Variants in ARL15 observed in about 807,000 individuals in gnomAD.
ARL15 encodes ADP-ribosylation factor-like protein 15.
ARL15 carries 19 observed loss-of-function variants against 25.2 expected under a neutral mutation model. The observed-to-expected ratio is 0.75, with a 90% confidence interval of 0.53 to 1.10. The LOEUF (loss-of-function observed/expected upper bound fraction) is 1.10. Ranked by LOEUF, ARL15 falls within the 50% of genes least tolerant of loss-of-function variation. The probability of loss-of-function intolerance (pLI) is 0.00; values close to 1 mark genes in which losing one functional copy is unlikely to be tolerated. For missense variants in ARL15, 220 were observed against 246.0 expected, an observed-to-expected ratio of 0.89 and a Z score of 0.71; for synonymous variants, 94 against 86.8, an observed-to-expected ratio of 1.08 and a Z score of -0.46.
chr5:53,976,695 T>C (rs758363572), intron 4 of ARL15, among the ~76,000 whole-genome samples: 4 of 152,188 alleles, frequency 2.6e-5, no homozygotes, highest in Non-Finnish European at 5.9e-5. Flanking sequence ...GCTCAATTTT[T>C]GGCATGTCGA....
At chr5:54,170,121 AACCATC>A (rs968673324) in intron 2 of ARL15, among the ~76,000 whole-genome samples, 1 of 152,092 alleles carries the variant, frequency 6.6e-6, no homozygotes, top group Non-Finnish European at 1.5e-5. Context: ...TCCATCATCC[AACCATC>A]ACGTAAGCCA....
chr5:53,951,580 CA>C (rs770100080), intron 4 of ARL15: 2 of 471,044 alleles, frequency 4.2e-6, no homozygotes, highest in African/African-American at 4.0e-5. Context: ...CTAGAGAACA[CA>C]AGAATACCTT....
At chr5:53,910,622 A>AT (rs1321416734) in intron 4 of ARL15, among the ~76,000 whole-genome samples, 3 of 14,694 alleles carry the variant, frequency 2.0e-4, no homozygotes, top group South Asian at 2.1e-3. Flanking sequence ...TTAAAGTATA[A>AT]TAAAAAAAAA....
At chr5:54,238,792 C>G (rs867445692) in intron 1 of ARL15, among the ~76,000 whole-genome samples, 8 of 152,182 alleles carry the variant, frequency 5.3e-5, no homozygotes, top group Non-Finnish European at 1.0e-4. Flanking sequence ...AAGGTATCCT[C>G]AGAAACAGGA....
At chr5:54,156,989 C>T (rs1754253829) in intron 2 of ARL15, among the ~76,000 whole-genome samples, 3 of 152,190 alleles carry the variant, frequency 2.0e-5, no homozygotes, top group African/African-American at 7.2e-5. Flanking sequence ...ATCTACCTAC[C>T]TCACACGGGT....
intron 1 of ARL15, among the ~76,000 whole-genome samples, chr5:54,237,478 T>C (rs1354355712): frequency 6.6e-6 from 1 of 152,178 alleles, no homozygotes; most frequent in Non-Finnish European, 1.5e-5. Flanking sequence ...ATGCTGACAA[T>C]GCATGATCAG....
chr5:54,045,053 A>G (rs1279471073), intron 4 of ARL15, among the ~76,000 whole-genome samples: 2 of 152,204 alleles, frequency 1.3e-5, no homozygotes, highest in African/African-American at 4.8e-5. Flanking sequence ...GGATTTGGCT[A>G]TACCACAAGT....
chr5:54,277,107 T>C (rs1052372810), intron 1 of ARL15, among the ~76,000 whole-genome samples: 2 of 152,168 alleles, frequency 1.3e-5, no homozygotes, highest in African/African-American at 4.8e-5. Context: ...TAGGGTAGGA[T>C]TTGTCCAGAC....
At chr5:54,199,539 A>G (rs529367799) in intron 1 of ARL15, among the ~76,000 whole-genome samples, 17 of 152,136 alleles carry the variant, frequency 1.1e-4, no homozygotes, top group African/African-American at 3.6e-4. Flanking sequence ...AAACACATGA[A>G]AAAATGCTCA....
At chr5:54,235,396 C>T (rs10054410) in intron 1 of ARL15, among the ~76,000 whole-genome samples, 3 of 151,960 alleles carry the variant, frequency 2.0e-5, no homozygotes, top group African/African-American at 7.3e-5. Flanking sequence ...AATGTAGTCA[C>T]AGAATAACGG....
At chr5:54,092,070 A>ACACACACACACACACACCAC (rs746618758) in intron 4 of ARL15, among the ~76,000 whole-genome samples, 1 of 151,460 alleles carries the variant, frequency 6.6e-6, no homozygotes, top group South Asian at 2.1e-4. Flanking sequence ...ACACACACAC[A>ACACACACACACACACACCAC]CACCACCACC....
At chr5:54,110,134 C>G (rs555422308) in intron 4 of ARL15, among the ~76,000 whole-genome samples, 67 of 152,114 alleles carry the variant, frequency 4.4e-4, no homozygotes, top group African/African-American at 1.5e-3. Context: ...CTGTGGGTTA[C>G]ATAGTAATTT....
chr5:54,078,749 T>C (rs984960859), intron 4 of ARL15, among the ~76,000 whole-genome samples: 3 of 152,142 alleles, frequency 2.0e-5, no homozygotes, highest in Admixed American at 6.5e-5. Flanking sequence ...TCTTAATAGA[T>C]GCAAAATATT....
At chr5:53,925,400 T>C (rs1402032361) in intron 4 of ARL15, among the ~76,000 whole-genome samples, 3 of 152,116 alleles carry the variant, frequency 2.0e-5, no homozygotes, top group African/African-American at 7.2e-5. Flanking sequence ...TTTTGCTATG[T>C]TGCTCAAGCT....
In ARL15 at chr5:53,894,348, C is replaced by G. The variant is rs528007085; in HGVS notation, c.463-7635G>C. 2.0e-5 allele frequency among the ~76,000 whole-genome samples: 3 copies of G among 152,178 alleles called. No individual in the cohort carries two copies. The East Asian group carries it at 5.8e-4, about 29-fold the overall frequency. ...GTTGTGACAATAATTGTGTAGAAAC[C>G]CAGTCTTCCAATGCACGGGAGAAGT... is the stretch of plus-strand genomic sequence containing the variant. On this transcript the variant is annotated intron_variant, in intron 4 of 4. Transcript: ENST00000504924.
In ARL15 at chr5:54,302,683, A is replaced by ATTTTTTTTTTTTTTT. The variant is rs372704359; in HGVS notation, c.48+7734_48+7748dup. 2.6e-5 allele frequency among the ~76,000 whole-genome samples: 2 copies of ATTTTTTTTTTTTTTT among 77,850 alleles called. 1 individual carries two copies. Among genetic ancestry groups the ATTTTTTTTTTTTTTT allele is most frequent in the African/African-American group, 1.0e-4 (2 of 19,732 alleles). 51.1% of individuals were successfully genotyped at this position (77,850 alleles called of 152,430 possible). On this transcript the variant is annotated intron_variant, in intron 1 of 4. Transcript: ENST00000504924. ...GCAAAGCACCTGTTCTAAAATTAAG[A>ATTTTTTTTTTTTTTT]TTTTTTTTTTTTTTTTTTTTTTTTT... is the stretch of plus-strand genomic sequence containing the variant.
intron 1 of ARL15, among the ~76,000 whole-genome samples, chr5:54,251,625 C>T (rs1411206158): frequency 6.6e-6 from 1 of 152,128 alleles, no homozygotes; most frequent in Non-Finnish European, 1.5e-5. Context: ...AGGAGCTATT[C>T]CTAAAGACCT....
At chr5:53,898,922 G>A (rs1561140777) in intron 4 of ARL15, among the ~76,000 whole-genome samples, 1 of 152,074 alleles carries the variant, frequency 6.6e-6, no homozygotes, top group Non-Finnish European at 1.5e-5. Context: ...CCAAATTGCT[G>A]GGATTATAGG....
intron 1 of ARL15, among the ~76,000 whole-genome samples, chr5:54,218,982 G>T (rs1246683901): frequency 9.5e-6 from 1 of 104,720 alleles, no homozygotes; most frequent in African/African-American, 3.2e-5. Context: ...AACTGCTACT[G>T]CTGTTTTTTT....
Sources: gnomAD v4.1 joint callset for allele counts (sites outside exome capture counted in the v4.1 genomes callset) on GRCh38, gnomAD v4.1.1 for gene constraint, MANE v1.5 for transcripts, NCBI Gene and HGNC (gene_info 2026-07-23, HGNC 2026-07-21) for gene names.